KIAA1217: variants seen among roughly 807,000 people sequenced by gnomAD.
KIAA1217 encodes sickle tail protein homolog.
KIAA1217 carries 88 observed loss-of-function variants against 163.9 expected under a neutral mutation model. The ratio of observed to expected loss-of-function variants is 0.54; its 90% CI spans 0.45 to 0.64. KIAA1217 has a LOEUF of 0.64. KIAA1217 is among the 30% of genes least tolerant of loss of function. KIAA1217 has a pLI of 0.00. For missense variants in KIAA1217, 2,372 were observed against 2,475.0 expected (o/e 0.96, Z 0.88); for synonymous variants, 903 against 923.1 (o/e 0.98, Z 0.39).
chr10:23,739,768 G>A (rs1486622212), intron 1 of KIAA1217, among the ~76,000 whole-genome samples: 1 of 152,184 alleles, frequency 6.6e-6, no homozygotes, highest in East Asian at 1.9e-4. Flanking sequence ...AGGCTCCTGA[G>A]AGATCCTGTG....
At chr10:24,350,443 G>A (rs914881826) in intron 2 of KIAA1217, among the ~76,000 whole-genome samples, 1 of 152,172 alleles carries the variant, frequency 6.6e-6, no homozygotes, top group African/African-American at 2.4e-5. Context: ...TTGTGTTCTA[G>A]TTCTCAGACA....
intron 1 of KIAA1217, among the ~76,000 whole-genome samples, chr10:23,842,753 A>G (rs1218431965): frequency 2.0e-5 from 3 of 152,002 alleles, no homozygotes. Flanking sequence ...TGTTGAGACT[A>G]TTTTAGGATA....
Position 24,209,240 on chromosome 10 carries a change from C to A in KIAA1217, c.47C>A (p.Ser16Ter), listed in dbSNP as rs144874255. ...AAATGTGAGCCGTGCCTTCCTTACT[C>A]AGCAGACAGAAGACAGATGCAGGGT... The part of the protein sequence containing the change: ...SQKCEPCLPY[S>*]ADRRQMQEQG... Residue 16 changes from serine (S) to a stop codon, truncating the protein, a stop_gained, in exon 1 of 21, where the codon TCA becomes TAA. Coordinates refer to ENST00000376454, the MANE Select transcript of KIAA1217 (RefSeq NM_019590.5). LOFTEE classifies it high-confidence loss of function. 2.5e-5 allele frequency: 40 copies of A among 1,613,526 alleles called. No homozygotes were observed. Among genetic ancestry groups the A allele is most frequent in the Non-Finnish European group, 3.4e-5 (40 of 1,179,862 alleles).
At chr10:23,889,002 C>T (rs1377159640) in intron 1 of KIAA1217, among the ~76,000 whole-genome samples, 1 of 151,796 alleles carries the variant, frequency 6.6e-6, no homozygotes, top group Non-Finnish European at 1.5e-5. Context: ...GAGAGCCATC[C>T]ATTTGTGGCA....
chr10:24,065,480 T>C (rs1432529570), intron 2 of KIAA1217, among the ~76,000 whole-genome samples: 3 of 152,248 alleles, frequency 2.0e-5, no homozygotes, highest in African/African-American at 4.8e-5. Context: ...TCCTGAGTTC[T>C]AGTTTGATTG....
intron 1 of KIAA1217, among the ~76,000 whole-genome samples, chr10:24,001,108 C>T (rs760391563): frequency 6.6e-6 from 1 of 151,852 alleles, no homozygotes; most frequent in Non-Finnish European, 1.5e-5. Context: ...CTGCTTTAAT[C>T]GCCAATGTGA....
chr10:23,831,046 T>G (rs942575414), intron 1 of KIAA1217, among the ~76,000 whole-genome samples: 4 of 152,110 alleles, frequency 2.6e-5, no homozygotes, highest in Non-Finnish European at 5.9e-5. Flanking sequence ...CCTCCAATTC[T>G]AGAACTTGTC....
At chr10:23,879,055 T>C (rs1564501098) in intron 1 of KIAA1217, among the ~76,000 whole-genome samples, 1 of 151,924 alleles carries the variant, frequency 6.6e-6, no homozygotes, top group African/African-American at 2.4e-5. Flanking sequence ...CAGTTGGATA[T>C]GAAAGTCTGG....
At chr10:23,845,402 T>C (rs1350709314) in intron 1 of KIAA1217, among the ~76,000 whole-genome samples, 1 of 152,178 alleles carries the variant, frequency 6.6e-6, no homozygotes, top group Non-Finnish European at 1.5e-5. Context: ...GCATCAGTTG[T>C]TTCCTGACTT....
chr10:24,104,445 T>C (rs562252541), intron 2 of KIAA1217, among the ~76,000 whole-genome samples: 6 of 152,274 alleles, frequency 3.9e-5, no homozygotes, highest in Admixed American at 2.0e-4. Context: ...TAGGTCTCTA[T>C]ACAACATTCT....
chr10:24,443,351 C>T (rs544116616), intron 5 of KIAA1217, among the ~76,000 whole-genome samples: 3 of 152,290 alleles, frequency 2.0e-5, no homozygotes, highest in South Asian at 4.1e-4. Flanking sequence ...AGATTTAAAC[C>T]CAGGCACCGT....
intron 6 of KIAA1217, among the ~76,000 whole-genome samples, chr10:24,487,372 G>A (rs1333782341): frequency 6.6e-6 from 1 of 152,218 alleles, no homozygotes; most frequent in Non-Finnish European, 1.5e-5. Context: ...GACTCTCAGC[G>A]CCCGTCATGG....
intron 2 of KIAA1217, among the ~76,000 whole-genome samples, chr10:24,290,110 T>C (rs1424274458): frequency 6.6e-6 from 1 of 152,048 alleles, no homozygotes; most frequent in Non-Finnish European, 1.5e-5. Flanking sequence ...CCGAAAAACC[T>C]GGAGACCAAA....
At chr10:23,884,600 G>A (rs1232935768) in intron 1 of KIAA1217, among the ~76,000 whole-genome samples, 1 of 151,886 alleles carries the variant, frequency 6.6e-6, no homozygotes, top group Non-Finnish European at 1.5e-5. Flanking sequence ...ATATTCTCAG[G>A]AGTGAAATTA....
chr10:23,823,731 C>T (rs1442294682), intron 1 of KIAA1217, among the ~76,000 whole-genome samples: 2 of 152,008 alleles, frequency 1.3e-5, no homozygotes, highest in Non-Finnish European at 2.9e-5. Flanking sequence ...TAAAAGTATT[C>T]AATAAGAGTG....
chr10:24,483,839 A>G (rs1235214147), intron 6 of KIAA1217, among the ~76,000 whole-genome samples: 1 of 152,222 alleles, frequency 6.6e-6, no homozygotes, highest in African/African-American at 2.4e-5. Context: ...AAGAAAATGC[A>G]AAACAGGTGA....
At chr10:24,211,822 G>A (rs984076407) in intron 1 of KIAA1217, among the ~76,000 whole-genome samples, 7 of 151,954 alleles carry the variant, frequency 4.6e-5, no homozygotes, top group African/African-American at 7.2e-5. Flanking sequence ...CAGATTCTAG[G>A]TGTATATTGA....
chr10:24,441,112 G>A (rs905851422), intron 5 of KIAA1217, among the ~76,000 whole-genome samples: 2 of 152,170 alleles, frequency 1.3e-5, no homozygotes, highest in African/African-American at 2.4e-5. Context: ...ACTAAACCAC[G>A]CTGCAGCGTG....
At chr10:24,367,184 T>C in intron 2 of KIAA1217, 6 of 985,070 alleles carry the variant, frequency 6.1e-6, no homozygotes, top group Non-Finnish European at 7.2e-6. Flanking sequence ...TGATGAAAAT[T>C]GAATCGTCTC....
Sources: gnomAD v4.1 joint callset for allele counts (sites outside exome capture counted in the v4.1 genomes callset) on GRCh38, gnomAD v4.1.1 for gene constraint, MANE v1.5 for transcripts, NCBI Gene and HGNC (gene_info 2026-07-23, HGNC 2026-07-21) for gene names.